Variants in POLE2 observed in about 807,000 individuals in gnomAD.
POLE2 encodes DNA polymerase epsilon subunit 2.
A neutral mutation model predicts 79.4 loss-of-function variants in POLE2; 56 were observed. The ratio of observed to expected loss-of-function variants is 0.71; its 90% confidence interval spans 0.57 to 0.88. The LOEUF (loss-of-function observed/expected upper bound fraction) is 0.88. POLE2 is among the 40% of genes least tolerant of loss of function. The probability of loss-of-function intolerance (pLI) is 0.00; values close to 1 mark genes in which losing one functional copy is unlikely to be tolerated. For missense variants in POLE2, 598 were observed against 638.9 expected (o/e 0.94, Z 0.69); for synonymous variants, 212 against 214.0 (o/e 0.99, Z 0.08).
At position 49,650,286 on chromosome 14, in the gene POLE2, G is replaced by T. The variant is rs764403249; in HGVS notation, c.1476C>A (p.Thr492=). 2 of 1,599,888 alleles carry T rather than the reference G, an allele frequency of 1.3e-6. No individual in the cohort carries two copies. The highest frequency in any genetic ancestry group is 4.5e-5 in the East Asian group (2 of 44,200). The change falls in exon 17 of 19, where the codon ACC becomes ACA. Residue 492 remains threonine (T), a synonymous_variant. Transcript: ENST00000216367. ...TTACAGGGTTTATGCAGAGGCATTC[G>T]GTATTTGTCGTAGTGAAAGGATCAT... is the stretch of plus-strand genomic sequence containing the variant. ...DKYDPFTTTN[T]ECLCINPGSF... is the part of the protein sequence containing the mutation.
chr14:49,668,294 AGGAAGGG>A (rs1005971260), intron 6 of POLE2, among the ~76,000 whole-genome samples: 3 of 151,650 alleles, frequency 2.0e-5, no homozygotes, highest in Admixed American at 1.3e-4. Context: ...AAAGGGAAGG[AGGAAGGG>A]GGAAGGGGGA....
At chr14:49,652,648 T>A (rs1234278207) in intron 15 of POLE2, among the ~76,000 whole-genome samples, 1 of 152,182 alleles carries the variant, frequency 6.6e-6, no homozygotes, top group Non-Finnish European at 1.5e-5. Flanking sequence ...ACACTCGTTA[T>A]AAGAATCTAA....
At chr14:49,648,884 A>C (rs1358724297) in intron 17 of POLE2, among the ~76,000 whole-genome samples, 1 of 152,164 alleles carries the variant, frequency 6.6e-6, no homozygotes, top group Non-Finnish European at 1.5e-5. Flanking sequence ...GACTCAAGCC[A>C]TCTTCCTGCC....
Position 49,655,848 on chromosome 14 carries a change from ATAAT to A in POLE2, c.756-9_756-6del, listed in dbSNP as rs1478869895. The stretch of plus-strand genomic sequence containing the variant: ...TTAATATTTCCATAGTATGCCCTAG[ATAAT>A]TATAACATAATTATCTTCTATATAC... On this transcript the variant is annotated splice_polypyrimidine_tract_variant and splice_region_variant and intron_variant, in intron 10 of 18. Transcript: ENST00000216367. The A allele has an allele frequency of 1.4e-6, 2 of 1,387,708 alleles. No individual in the cohort carries two copies. The highest frequency in any genetic ancestry group is 2.0e-6 in the Non-Finnish European group (2 of 992,516). The allele number at this position is 1,387,708 out of a possible 1,614,324, so 86.0% of individuals were successfully genotyped here.
intron 3 of POLE2, chr14:49,677,250 T>C: frequency 1.5e-6 from 1 of 683,576 alleles, no homozygotes; most frequent in Non-Finnish European, 2.6e-6. Context: ...AGTAGGGTGC[T>C]AAGCATGAGG....
At chr14:49,657,699 C>T (rs1884795844) in intron 10 of POLE2, among the ~76,000 whole-genome samples, 1 of 152,248 alleles carries the variant, frequency 6.6e-6, no homozygotes, top group Non-Finnish European at 1.5e-5. Flanking sequence ...CTCGCCCTTC[C>T]GAAGTGCTGG....
chr14:49,677,435 A>G, intron 3 of POLE2: 1 of 470,114 alleles, frequency 2.1e-6, no homozygotes, highest in South Asian at 2.6e-5. Context: ...GAAGCCCACC[A>G]CTATCTTGCT....
At chr14:49,648,030 A>G (rs888651376) in intron 17 of POLE2, among the ~76,000 whole-genome samples, 1 of 152,238 alleles carries the variant, frequency 6.6e-6, no homozygotes, top group African/African-American at 2.4e-5. Context: ...ATGTGAGACA[A>G]TCAGCAAGTT....
At chr14:49,653,550 A>AATTTTTGTTTTTAT (rs1884428795) in intron 15 of POLE2, among the ~76,000 whole-genome samples, 2 of 152,222 alleles carry the variant, frequency 1.3e-5, no homozygotes, top group Non-Finnish European at 2.9e-5. Context: ...AACAAAAATA[A>AATTTTTGTTTTTAT]ATTTTCTTCT....
At chr14:49,685,176 C>T (rs1276076406) in intron 1 of POLE2, among the ~76,000 whole-genome samples, 1 of 152,092 alleles carries the variant, frequency 6.6e-6, no homozygotes, top group Non-Finnish European at 1.5e-5. Context: ...ATTTGTAGCA[C>T]ACAATTTAAC....
intron 2 of POLE2, among the ~76,000 whole-genome samples, chr14:49,682,827 A>C (rs1247732304): frequency 7.5e-6 from 1 of 132,906 alleles, no homozygotes; most frequent in East Asian, 2.0e-4. Context: ...CCATTCTATT[A>C]AAAAAAAAAA....
intron 2 of POLE2, among the ~76,000 whole-genome samples, chr14:49,682,430 G>A (rs564062744): frequency 9.9e-5 from 15 of 151,426 alleles, no homozygotes; most frequent in South Asian, 4.2e-4. Flanking sequence ...TGAAGTTGGC[G>A]GTTCGAGACC....
intron 15 of POLE2, among the ~76,000 whole-genome samples, chr14:49,652,506 T>A (rs556386998): frequency 6.6e-6 from 1 of 152,112 alleles, no homozygotes; most frequent in Non-Finnish European, 1.5e-5. Flanking sequence ...AAGCTTCATC[T>A]GTATTTACAG....
intron 10 of POLE2, among the ~76,000 whole-genome samples, chr14:49,656,045 C>CTA (rs1884639281): frequency 6.6e-6 from 1 of 152,040 alleles, no homozygotes; most frequent in Non-Finnish European, 1.5e-5. Context: ...AAATAATAGG[C>CTA]TATATCTGTG....
At chr14:49,646,306 T>TG (rs1883764198) in intron 18 of POLE2, among the ~76,000 whole-genome samples, 1 of 51,358 alleles carries the variant, frequency 1.9e-5, no homozygotes, top group Admixed American at 1.9e-4. Context: ...TTGTTGGTTT[T>TG]TTTTTTTTTT....
chr14:49,647,144 C>T, intron 18 of POLE2, 149 bp downstream of exon 18: 1 of 524,378 alleles, frequency 1.9e-6, no homozygotes, highest in Non-Finnish European at 3.4e-6. Context: ...TGTCACACAG[C>T]ATAACCGTGA....
chr14:49,663,986 G>A (rs1484614320), intron 9 of POLE2, among the ~76,000 whole-genome samples: 5 of 151,176 alleles, frequency 3.3e-5, no homozygotes, highest in African/African-American at 7.3e-5. Flanking sequence ...GCAGTGAGCC[G>A]AGATCGTGCC....
intron 5 of POLE2, among the ~76,000 whole-genome samples, chr14:49,669,998 T>A (rs1885759589): frequency 6.6e-6 from 1 of 151,860 alleles, no homozygotes; most frequent in Admixed American, 6.6e-5. Flanking sequence ...ATTTGGGTAG[T>A]AAGAAACAAA....
In POLE2 at chr14:49,679,771, C is replaced by CCACA; in HGVS notation, c.195_198dup (p.Val67CysfsTer14). On this transcript the variant is annotated frameshift_variant, in exon 3 of 19. Coordinates refer to ENST00000216367, the MANE Select transcript of POLE2 (RefSeq NM_002692.4). LOFTEE classifies it high-confidence loss of function. ...CTGCATTCCTGGACTGCTGCTTCCACCACAGATCGTTCAATCATGTTTGAT... is the reference window on the plus strand; with the variant it reads ...CTGCATTCCTGGACTGCTGCTTCCACCACACACAGATCGTTCAATCATGTTTGAT... The CCACA allele has an allele frequency of 6.2e-7, 1 of 1,605,552 alleles. No individual in the cohort carries two copies. Among genetic ancestry groups the CCACA allele is most frequent in the Non-Finnish European group, 8.5e-7 (1 of 1,172,754 alleles).
Sources: allele counts gnomAD v4.1 joint callset (sites outside exome capture counted in the v4.1 genomes callset), GRCh38; gene constraint gnomAD v4.1.1; transcripts MANE v1.5; gene names NCBI Gene and HGNC (gene_info 2026-07-23, HGNC 2026-07-21).